Variants in CLASP2 observed in about 807,000 individuals in gnomAD.
CLASP2 encodes the protein cytoplasmic linker associated protein 2, also known as CLIP-associating protein 2.
A neutral mutation model predicts 194.4 loss-of-function variants in CLASP2; 47 were observed. That is an observed-to-expected ratio of 0.24 (90% CI 0.19 to 0.31). The LOEUF (loss-of-function observed/expected upper bound fraction) is 0.31. CLASP2 is among the 10% of genes least tolerant of loss of function. The pLI is 1.00. For synonymous variants in CLASP2, 619 were observed against 633.5 expected (o/e 0.98, Z 0.34); for missense variants, 1,445 against 1,823.6 (o/e 0.79, Z 3.78).
chr3:33,573,756 T>C (rs958910398), intron 24 of CLASP2, among the ~76,000 whole-genome samples: 4 of 152,190 alleles, frequency 2.6e-5, no homozygotes, highest in African/African-American at 4.8e-5. Flanking sequence ...AAGAGTATAA[T>C]GGATCAGAAA....
intron 30 of CLASP2, 48 bp from the exon 31 acceptor site, chr3:33,544,889 A>C: frequency 7.0e-7 from 1 of 1,425,814 alleles, no homozygotes; most frequent in Non-Finnish European, 9.4e-7. Flanking sequence ...TGTTACTCAA[A>C]CAAGACCGTT....
In CLASP2 at chr3:33,627,141, G is replaced by T. The variant is rs1327097055; in HGVS notation, c.943-61C>A. 11 of 924,158 alleles carry T rather than the reference G, an allele frequency of 1.2e-5. No individual in the cohort carries two copies. In the African/African-American group the frequency reaches 1.7e-4, roughly 14 times the overall value. The allele number at this position is 924,158 out of a possible 1,614,324, so 57.2% of individuals were successfully genotyped here. On this transcript the variant is annotated intron_variant, in intron 9 of 38. Coordinates refer to ENST00000682230, the MANE Select transcript of CLASP2 (RefSeq NM_001365631.1). Reference sequence around the variant, plus strand: ...TTGCCATGAACAATATCAAAATTATGCCCTGATGTTTAAAATAATCTTTCA... The same window carrying T: ...TTGCCATGAACAATATCAAAATTATTCCCTGATGTTTAAAATAATCTTTCA...
chr3:33,541,579 T>C (rs1187603356), intron 32 of CLASP2, among the ~76,000 whole-genome samples: 1 of 152,180 alleles, frequency 6.6e-6, no homozygotes, highest in Non-Finnish European at 1.5e-5. Context: ...AGTGAGAACA[T>C]GCAGTATTTT....
At chr3:33,526,447 T>C (rs941331548) in intron 34 of CLASP2, among the ~76,000 whole-genome samples, 1 of 152,182 alleles carries the variant, frequency 6.6e-6, no homozygotes, top group Non-Finnish European at 1.5e-5. Flanking sequence ...TAAATATATA[T>C]GCACCCAACA....
At chr3:33,510,527 G>A (rs1205731513) in intron 37 of CLASP2, 31 bp downstream of exon 37, 3 of 1,594,298 alleles carry the variant, frequency 1.9e-6, no homozygotes, top group Non-Finnish European at 2.6e-6. Context: ...AATGTATCAT[G>A]GCTTATTCCT....
chr3:33,540,934 G>A (rs756866847), intron 32 of CLASP2, among the ~76,000 whole-genome samples: 1 of 151,864 alleles, frequency 6.6e-6, no homozygotes, highest in East Asian at 1.9e-4. Context: ...CACCACACTC[G>A]GCTAATTTTT....
chr3:33,717,641 G>C lies in CLASP2; in HGVS notation c.195+167C>G, dbSNP rs574334195. Among the ~76,000 whole-genome samples the C allele has an allele frequency of 1.0e-3, 159 of 152,212 alleles. 1 individual carries two copies. The South Asian group carries it at 0.015, about 14-fold the overall frequency. ...GGGGTTGCACCATGTTGGTCAGGCT[G>C]GTCTCGAACTCCTGACCTCGTGATC... On this transcript the variant is annotated intron_variant, in intron 1 of 38. Transcript: ENST00000682230.
chr3:33,557,275 C>T (rs144138071), intron 29 of CLASP2, among the ~76,000 whole-genome samples: 1 of 152,236 alleles, frequency 6.6e-6, no homozygotes, highest in East Asian at 1.9e-4. Flanking sequence ...TGCCCAGCCT[C>T]ACCCTTACTT....
Position 33,576,255 on chromosome 3 carries a change from G to T in CLASP2, c.2368C>A (p.Gln790Lys). ...ACAGAAGACGACAGTCGACTTGATTGGCTGATCCCATAACCTGGACCTAAT... is the reference window on the plus strand; with the variant it reads ...ACAGAAGACGACAGTCGACTTGATTTGCTGATCCCATAACCTGGACCTAAT... ...QPLGPGYGIS[Q>K]SSRLSSSVSA... is the part of the protein sequence containing the mutation. Residue 790 changes from glutamine to lysine, a missense_variant, in exon 24 of 39, where the codon CAA becomes AAA. Gln to Lys is a moderately conservative substitution (Grantham distance 53, BLOSUM62 1). This residue lies in a region of CLASP2 where 732 missense variants were observed against 987.9 expected (regional missense o/e 0.74). Transcript: ENST00000682230. 2 of 1,613,518 alleles carry T rather than the reference G, an allele frequency of 1.2e-6. No individual in the cohort carries two copies. The highest frequency in any genetic ancestry group is 3.3e-5 in the Admixed American group (2 of 60,018).
chr3:33,646,371 T>A (rs1391381240), intron 7 of CLASP2, among the ~76,000 whole-genome samples: 3 of 152,082 alleles, frequency 2.0e-5, no homozygotes. Context: ...AAAAATTATC[T>A]TCTACTCTTA....
At chr3:33,713,252 T>G (rs907479544) in intron 1 of CLASP2, among the ~76,000 whole-genome samples, 1 of 152,166 alleles carries the variant, frequency 6.6e-6, no homozygotes, top group Non-Finnish European at 1.5e-5. Flanking sequence ...GTGTATCAGA[T>G]ATTATCTATA....
chr3:33,550,937 A>T (rs955205638), intron 30 of CLASP2, among the ~76,000 whole-genome samples: 13 of 152,246 alleles, frequency 8.5e-5, no homozygotes, highest in African/African-American at 3.1e-4. Flanking sequence ...CTAAAAATTG[A>T]TAAATCAAAC....
At chr3:33,611,387 T>C (rs2075150421) in intron 13 of CLASP2, among the ~76,000 whole-genome samples, 1 of 152,184 alleles carries the variant, frequency 6.6e-6, no homozygotes, top group African/African-American at 2.4e-5. Context: ...AGTTTACTAC[T>C]GTATGCAAAA....
chr3:33,671,363 A>T (rs2154337906), intron 6 of CLASP2, among the ~76,000 whole-genome samples: 1 of 152,336 alleles, frequency 6.6e-6, no homozygotes, highest in South Asian at 2.1e-4. Flanking sequence ...ATAAAAGACA[A>T]AAAAAAGAGA....
intron 29 of CLASP2, among the ~76,000 whole-genome samples, chr3:33,553,233 C>G (rs1193133567): frequency 6.6e-6 from 1 of 152,020 alleles, no homozygotes; most frequent in Non-Finnish European, 1.5e-5. Context: ...GTACATTTTT[C>G]CCTTCCTACT....
rs765249567 is a variant in CLASP2, at chr3:33,538,795, G to A, written c.3552C>T (p.Gly1184=). 8.3e-6 allele frequency: 13 copies of A among 1,574,898 alleles called. No homozygotes were observed. Among genetic ancestry groups the A allele is most frequent in the East Asian group, 2.3e-5 (1 of 44,150 alleles). Residue 1184 remains glycine (G), a synonymous_variant, in exon 33 of 39, where the codon GGC becomes GGT. Transcript: ENST00000682230. The stretch of plus-strand genomic sequence containing the variant: ...AGGATATTAAAATACTTACTGAATC[G>A]CCATCATCTTTTTTAGAATCCCTTT... The part of the protein sequence containing the change: ...PLKRDSKKDD[G]DSMCGGPGMS...
chr3:33,561,369 G>A (rs1246951785), intron 27 of CLASP2, among the ~76,000 whole-genome samples: 1 of 150,144 alleles, frequency 6.7e-6, no homozygotes, highest in Non-Finnish European at 1.5e-5. Context: ...GAGTAAATGA[G>A]AAGATGACTA....
intron 10 of CLASP2, among the ~76,000 whole-genome samples, chr3:33,625,621 T>C (rs2077906482): frequency 6.6e-6 from 1 of 151,852 alleles, no homozygotes; most frequent in African/African-American, 2.4e-5. Flanking sequence ...TCTTGTCATA[T>C]ATGTTTAAAT....
At chr3:33,619,346 AT>A (rs1467852750) in intron 12 of CLASP2, among the ~76,000 whole-genome samples, 2 of 152,188 alleles carry the variant, frequency 1.3e-5, no homozygotes, top group African/African-American at 4.8e-5. Flanking sequence ...ATGTACTCAT[AT>A]GTACATGTAT....
Sources: allele counts gnomAD v4.1 joint callset (sites outside exome capture counted in the v4.1 genomes callset), GRCh38; gene constraint gnomAD v4.1.1; regional missense constraint gnomAD v4.1.1; transcripts MANE v1.5; gene names NCBI Gene and HGNC (gene_info 2026-07-23, HGNC 2026-07-21).